DOP1B: variants seen among roughly 807,000 people sequenced by gnomAD.
The protein encoded by DOP1B is protein DOP1B.
DOP1B carries 174 observed loss-of-function variants against 233.5 expected under a neutral mutation model. That is an observed-to-expected ratio of 0.75 (90% CI 0.66 to 0.85). The LOEUF is 0.85. DOP1B is among the 40% of genes least tolerant of loss of function. DOP1B has a pLI of 0.00. For missense variants in DOP1B, 2,652 were observed against 2,846.6 expected (o/e 0.93, Z 1.56); for synonymous variants, 1,190 against 1,185.6 (o/e 1.00, Z -0.08).
intron 23 of DOP1B, among the ~76,000 whole-genome samples, chr21:36,257,743 G>T (rs2067120680): frequency 6.6e-6 from 1 of 151,116 alleles, no homozygotes; most frequent in Non-Finnish European, 1.5e-5. Context: ...GATGTAGGTA[G>T]GTAGGTAGAT....
At chr21:36,280,699 T>C (rs2146247921) in intron 31 of DOP1B, among the ~76,000 whole-genome samples, 1 of 152,248 alleles carries the variant, frequency 6.6e-6, no homozygotes, top group African/African-American at 2.4e-5. Context: ...TATCATTAAG[T>C]ATCATTAAAG....
chr21:36,208,997 C>T (rs1402072609), intron 5 of DOP1B, 93 bp downstream of exon 5: 5 of 1,328,536 alleles, frequency 3.8e-6, no homozygotes, highest in Non-Finnish European at 4.9e-6. Context: ...TGCAAAGGGA[C>T]ATCCAGGAAA....
At chr21:36,172,307 G>A (rs2065978636) in intron 2 of DOP1B, among the ~76,000 whole-genome samples, 1 of 152,314 alleles carries the variant, frequency 6.6e-6, no homozygotes, top group Non-Finnish European at 1.5e-5. Context: ...CAGTGTGGAT[G>A]CCCGCACCAT....
At chr21:36,243,136 C>T (rs530083580) in intron 18 of DOP1B, among the ~76,000 whole-genome samples, 81 of 151,972 alleles carry the variant, frequency 5.3e-4, no homozygotes, top group Admixed American at 7.9e-4. Flanking sequence ...CGCGCCGCCA[C>T]GCCCAGCTAA....
Position 36,227,868 on chromosome 21 carries a change from C to T in DOP1B, c.1656C>T (p.Ser552=), listed in dbSNP as rs114840902. 4.7e-4 allele frequency: 746 copies of T among 1,597,034 alleles called. 4 individuals are homozygous for T. The African/African-American group carries it at 7.1e-3, about 15-fold the overall frequency. ...CCTACCTCGACACGGAGTCCACCAG[C>T]GGAACCTCGGTGTGTACTCTGAGGG... ...PPSYLDTEST[S]GTSSPVKGEN... is the part of the protein sequence containing the mutation. Residue 552 remains serine (S), a synonymous_variant, in exon 13 of 37, where the codon AGC becomes AGT. Coordinates refer to ENST00000691173, the MANE Select transcript of DOP1B (RefSeq NM_001320714.2).
At chr21:36,266,784 G>A (rs180842646) in intron 26 of DOP1B, among the ~76,000 whole-genome samples, 1 of 152,292 alleles carries the variant, frequency 6.6e-6, no homozygotes, top group African/African-American at 2.4e-5. Flanking sequence ...TCTAAGACAC[G>A]TATTACTTTG....
chr21:36,214,141 A>T lies in DOP1B; in HGVS notation c.965A>T (p.Asp322Val), dbSNP rs1356549414. Residue 322 changes from aspartate (D) to valine (V), a missense_variant, in exon 8 of 37, where the codon GAC becomes GTC. By Grantham distance (152) the Asp-to-Val change is radical. Around this residue, in one of 3 missense-constraint regions of DOP1B, gnomAD observed 2,617 missense variants for 2,794.3 expected, o/e 0.94. Coordinates refer to ENST00000691173, the MANE Select transcript of DOP1B (RefSeq NM_001320714.2). ...PESEISNSYE[D>V]QSSYFFEKYS... is the part of the protein sequence containing the mutation. Reference sequence around the variant, plus strand: ...TCTGAAATCTCAAATTCTTATGAAGACCAGTCGTCTTATTTTTTTGAAAAA... The same window carrying T: ...TCTGAAATCTCAAATTCTTATGAAGTCCAGTCGTCTTATTTTTTTGAAAAA... 8 of 1,613,870 alleles carry T rather than the reference A, an allele frequency of 5.0e-6. No individual in the cohort carries two copies. Among genetic ancestry groups the T allele is most frequent in the Non-Finnish European group, 6.8e-6 (8 of 1,180,022 alleles).
At chr21:36,212,408 G>A (rs762745835) in intron 7 of DOP1B, among the ~76,000 whole-genome samples, 18 of 152,226 alleles carry the variant, frequency 1.2e-4, no homozygotes, top group Admixed American at 2.6e-4. Context: ...GAAGCCTGTT[G>A]CTATGGAGAA....
At chr21:36,291,089 CT>C (rs1239948214) in intron 35 of DOP1B, among the ~76,000 whole-genome samples, 1 of 151,532 alleles carries the variant, frequency 6.6e-6, no homozygotes, top group Non-Finnish European at 1.5e-5. Context: ...TGGTGAAACC[CT>C]GTCTCTACTA....
chr21:36,294,257 G>A lies in DOP1B; in HGVS notation c.*686G>A, dbSNP rs965621641. ...AAAAGTTTAAACTTATTAAAAGAAT[G>A]TTATTTTTAACCTTTCACACAAATG... On this transcript the variant is annotated 3_prime_UTR_variant, in exon 37 of 37. Coordinates refer to ENST00000691173, the MANE Select transcript of DOP1B (RefSeq NM_001320714.2). 1 of 152,560 alleles carries A rather than the reference G, an allele frequency of 6.6e-6. No homozygotes were observed. Among genetic ancestry groups the A allele is most frequent in the Non-Finnish European group, 1.5e-5 (1 of 68,036 alleles). 9.5% of individuals were successfully genotyped at this position (152,560 alleles called of 1,614,324 possible). A position where few individuals can be genotyped will look rare whatever the true frequency, so the allele number is the denominator to read the frequency against.
chr21:36,222,022 C>T (rs1005370734), intron 10 of DOP1B, among the ~76,000 whole-genome samples: 1 of 152,066 alleles, frequency 6.6e-6, no homozygotes, highest in African/African-American at 2.4e-5. Context: ...CAGATGCCCA[C>T]TATCATATCT....
chr21:36,252,548 CTTTTTTT>C (rs896307020), intron 22 of DOP1B, among the ~76,000 whole-genome samples: 1 of 139,342 alleles, frequency 7.2e-6, no homozygotes, highest in East Asian at 2.1e-4. Context: ...AAGATAATTT[CTTTTTTT>C]TTTTTTCTAT....
intron 11 of DOP1B, among the ~76,000 whole-genome samples, chr21:36,225,324 G>A (rs1306749212): frequency 6.6e-6 from 1 of 151,828 alleles, no homozygotes; most frequent in Non-Finnish European, 1.5e-5. Flanking sequence ...CTGCCTCCCG[G>A]GTTCAAGTAA....
At chr21:36,168,093 A>G (rs2065934040) in intron 2 of DOP1B, among the ~76,000 whole-genome samples, 1 of 151,120 alleles carries the variant, frequency 6.6e-6, no homozygotes, top group Non-Finnish European at 1.5e-5. Flanking sequence ...ACAGGCGCAC[A>G]CCACCACACC....
At chr21:36,160,994 C>T (rs1016707283) in intron 1 of DOP1B, among the ~76,000 whole-genome samples, 3 of 152,116 alleles carry the variant, frequency 2.0e-5, no homozygotes, top group South Asian at 4.1e-4. Flanking sequence ...AAGAGGCAAA[C>T]AGGACTGGGG....
chr21:36,230,719 ACAG>A lies in DOP1B; in HGVS notation c.1937_1939del (p.Gln646del). ...TTGCCAGCAAGAACATTTTTGGAGT[ACAG>A]CTGACAGCGTCAGGAGAAGAAAGCA... On this transcript the variant is annotated inframe_deletion, in exon 14 of 37. Coordinates refer to ENST00000691173, the MANE Select transcript of DOP1B (RefSeq NM_001320714.2). 1 of 1,614,224 alleles carries A rather than the reference ACAG, an allele frequency of 6.2e-7. No homozygotes were observed. The highest frequency in any genetic ancestry group is 8.5e-7 in the Non-Finnish European group (1 of 1,180,040).
intron 2 of DOP1B, among the ~76,000 whole-genome samples, chr21:36,194,542 A>G (rs1405530406): frequency 7.5e-6 from 1 of 133,520 alleles, no homozygotes; most frequent in African/African-American, 2.9e-5. Flanking sequence ...GCTGGAGTTC[A>G]GTGGCACAAT....
rs1188707331 is a variant in DOP1B at position 36,200,402 on chromosome 21, A to G, written c.392A>G (p.Lys131Arg). The G allele has an allele frequency of 1.2e-6, 2 of 1,613,664 alleles. No homozygotes were observed. Among genetic ancestry groups the G allele is most frequent in the Non-Finnish European group, 1.7e-6 (2 of 1,179,998 alleles). Residue 131 changes from lysine (K) to arginine (R), a missense_variant, in exon 4 of 37, where the codon AAG becomes AGG. Coordinates refer to ENST00000691173, the MANE Select transcript of DOP1B (RefSeq NM_001320714.2). ...VRPVLLTLYE[K>R]YFLPLQKLLL... ...CCGGTGCTGCTCACCCTGTACGAGA[A>G]GTACTTCCTCCCACTGCAGAAGCTG...
chr21:36,285,805 A>C (rs1321082422), intron 32 of DOP1B, among the ~76,000 whole-genome samples: 1 of 152,048 alleles, frequency 6.6e-6, no homozygotes, highest in Non-Finnish European at 1.5e-5. Context: ...TCAGGAGTTC[A>C]AGACCAACCT....
Sources: allele counts gnomAD v4.1 joint callset (sites outside exome capture counted in the v4.1 genomes callset), GRCh38; gene constraint gnomAD v4.1.1; regional missense constraint gnomAD v4.1.1; transcripts MANE v1.5; gene names NCBI Gene and HGNC (gene_info 2026-07-23, HGNC 2026-07-21).